The following FOXP1 variants were observed in gnomAD, a reference collection of about 807,000 sequenced individuals.
The protein encoded by FOXP1 is forkhead box protein P1.
A neutral mutation model predicts 98.2 loss-of-function variants in FOXP1; 15 were observed. The observed-to-expected ratio is 0.15, with a 90% CI of 0.10 to 0.24. FOXP1 has a LOEUF of 0.24. Ranked by LOEUF, FOXP1 falls within the 10% of genes least tolerant of loss-of-function variation. The pLI is 1.00. For missense variants in FOXP1, 633 were observed against 848.5 expected (o/e 0.75, Z 3.15); for synonymous variants, 371 against 314.5 (o/e 1.18, Z -1.90).
At chr3:71,142,592 G>A (rs1401921831) in intron 6 of FOXP1, among the ~76,000 whole-genome samples, 1 of 152,248 alleles carries the variant, frequency 6.6e-6, no homozygotes, top group Non-Finnish European at 1.5e-5. Context: ...GAGAGCAGCT[G>A]CAGGCTGACA....
rs1004386065 is a variant in FOXP1, at chr3:71,330,579, A to G, written c.-73+28571T>C. On this transcript the variant is annotated intron_variant, in intron 4 of 20. Coordinates refer to ENST00000649528, the MANE Select transcript of FOXP1 (RefSeq NM_001349338.3). ...ACCTACAGAAGGGAGAAAAACTGGTAAAGAATCTGTGGACAAATTTATAAC... is the reference window on the plus strand; with the variant it reads ...ACCTACAGAAGGGAGAAAAACTGGTGAAGAATCTGTGGACAAATTTATAAC... 5.9e-5 allele frequency among the ~76,000 whole-genome samples: 9 copies of G among 152,250 alleles called. 1 individual carries two copies. The highest frequency in any genetic ancestry group is 3.2e-3 in the Middle Eastern group (1 of 316).
intron 7 of FOXP1, among the ~76,000 whole-genome samples, chr3:71,083,243 A>T (rs906674673): frequency 6.6e-6 from 1 of 151,492 alleles, no homozygotes; most frequent in Admixed American, 6.6e-5. Flanking sequence ...GTGCCCCCTC[A>T]CCCCCAAATC....
chr3:71,002,945 C>CCACAT (rs1285032358), intron 12 of FOXP1, among the ~76,000 whole-genome samples: 2 of 152,174 alleles, frequency 1.3e-5, no homozygotes, highest in Non-Finnish European at 2.9e-5. Flanking sequence ...TGAAACAAGA[C>CCACAT]CACAGACCAG....
rs544637417 is a variant in FOXP1 at position 71,053,407 on chromosome 3, C to T, written c.420+229G>A. Among the ~76,000 whole-genome samples, 5 of 152,220 alleles carry T rather than the reference C, an allele frequency of 3.3e-5. No homozygotes were observed. In the South Asian group the frequency reaches 8.3e-4, roughly 25 times the overall value. ...AATTACAGCCCTGATCTCAGTCCAT[C>T]GGGTACTCTCCAGGCCCAAACACTA... is the stretch of plus-strand genomic sequence containing the variant. On this transcript the variant is annotated intron_variant, in intron 8 of 20. Coordinates refer to ENST00000649528, the MANE Select transcript of FOXP1 (RefSeq NM_001349338.3).
chr3:71,450,461 C>T (rs1016777397), intron 3 of FOXP1, among the ~76,000 whole-genome samples: 2 of 152,134 alleles, frequency 1.3e-5, no homozygotes, highest in Non-Finnish European at 2.9e-5. Context: ...CTCAGCTGTC[C>T]GATGCAAATT....
Position 70,956,135 on chromosome 3 carries a change from G to A in FOXP1, c.*3112C>T. The A allele has an allele frequency of 4.3e-6, 1 of 233,084 alleles. No homozygotes were observed. Among genetic ancestry groups the A allele is most frequent in the Non-Finnish European group, 8.5e-6 (1 of 117,976 alleles). 14.4% of individuals were successfully genotyped at this position (233,084 alleles called of 1,614,324 possible). On this transcript the variant is annotated 3_prime_UTR_variant, in exon 21 of 21. Coordinates refer to ENST00000649528, the MANE Select transcript of FOXP1 (RefSeq NM_001349338.3). ...AAAGCAAAGGTGTTTTGACAAACAG[G>A]TGTATGCATTTATTCCTTTTTAGGA...
chr3:71,171,242 C>T (rs1476548900), intron 6 of FOXP1, among the ~76,000 whole-genome samples: 2 of 151,964 alleles, frequency 1.3e-5, no homozygotes, highest in Non-Finnish European at 2.9e-5. Flanking sequence ...ATGCAATTAC[C>T]GCTCACTAAA....
At position 70,958,210 on chromosome 3, in the gene FOXP1, GAA is replaced by G. The variant is rs1160403740; in HGVS notation, c.*1035_*1036del. On this transcript the variant is annotated 3_prime_UTR_variant, in exon 21 of 21. Coordinates refer to ENST00000649528, the MANE Select transcript of FOXP1 (RefSeq NM_001349338.3). ...AATGGTTGCTGCAAAAAAAAAAAAAGAAAAGAAAAGAAAAAAAGAAAATCCGA... is the reference window on the plus strand; with the variant it reads ...AATGGTTGCTGCAAAAAAAAAAAAAGAAGAAAAGAAAAAAAGAAAATCCGA... 1.2e-4 allele frequency: 49 copies of G among 399,444 alleles called. No homozygotes were observed. The Admixed American group carries it at 1.7e-3, about 14-fold the overall frequency. The allele number at this position is 399,444 out of a possible 1,614,324, so 24.7% of individuals were successfully genotyped here.
intron 3 of FOXP1, among the ~76,000 whole-genome samples, chr3:71,445,317 G>A (rs1236671664): frequency 3.3e-5 from 5 of 152,182 alleles, no homozygotes; most frequent in African/African-American, 1.2e-4. Flanking sequence ...TGAAACGAGT[G>A]CCACACACAT....
rs2081473418 is a variant in FOXP1 at position 71,396,984 on chromosome 3, GTATATATATACACATATATATGTGTATA to G, written c.-167-37768_-167-37741del. 9.6e-5 allele frequency among the ~76,000 whole-genome samples: 2 copies of G among 20,848 alleles called. 1 individual carries two copies. The highest frequency in any genetic ancestry group is 2.4e-4 in the Non-Finnish European group (2 of 8,182). The allele number at this position is 20,848 out of a possible 152,430, so 13.7% of individuals were successfully genotyped here. A position where few individuals can be genotyped will look rare whatever the true frequency, so the allele number is the denominator to read the frequency against. On this transcript the variant is annotated intron_variant, in intron 3 of 20. Coordinates refer to ENST00000649528, the MANE Select transcript of FOXP1 (RefSeq NM_001349338.3). ...TATATGTGTGTATATATATATATGT[GTATATATATACACATATATATGTGTATA>G]TATATATATATACATATATATGTGT...
intron 12 of FOXP1, among the ~76,000 whole-genome samples, chr3:71,009,429 T>C (rs922977048): frequency 1.3e-5 from 2 of 152,120 alleles, no homozygotes; most frequent in African/African-American, 2.4e-5. Flanking sequence ...TGACAGACAC[T>C]GTATGGCCTG....
intron 14 of FOXP1, 94 bp from the exon 15 acceptor site, chr3:70,978,123 G>A: frequency 3.0e-6 from 3 of 996,566 alleles, no homozygotes; most frequent in Non-Finnish European, 3.2e-6. Flanking sequence ...GGATGCGTGG[G>A]CACCGTTTCT....
chr3:71,260,516 T>C (rs961625131), intron 5 of FOXP1, among the ~76,000 whole-genome samples: 2 of 151,238 alleles, frequency 1.3e-5, no homozygotes, highest in African/African-American at 4.9e-5. Context: ...TTCTGTATCA[T>C]ATTTAGAGCA....
intron 3 of FOXP1, among the ~76,000 whole-genome samples, chr3:71,471,069 T>C (rs576561074): frequency 1.3e-5 from 2 of 152,320 alleles, no homozygotes; most frequent in East Asian, 3.9e-4. Flanking sequence ...AAATACATGT[T>C]CACCATTATT....
At chr3:71,271,811 A>T (rs2070384534) in intron 5 of FOXP1, among the ~76,000 whole-genome samples, 2 of 152,202 alleles carry the variant, frequency 1.3e-5, no homozygotes, top group Non-Finnish European at 2.9e-5. Context: ...CATAACCACT[A>T]ATGTGCTTTC....
At chr3:71,495,451 C>A (rs2091338668) in intron 2 of FOXP1, among the ~76,000 whole-genome samples, 1 of 152,124 alleles carries the variant, frequency 6.6e-6, no homozygotes, top group Non-Finnish European at 1.5e-5. Flanking sequence ...GAAAAATGCC[C>A]AGCTCATAGC....
intron 3 of FOXP1, among the ~76,000 whole-genome samples, chr3:71,424,345 T>C (rs1363739912): frequency 1.3e-5 from 2 of 152,196 alleles, no homozygotes; most frequent in Non-Finnish European, 2.9e-5. Flanking sequence ...TCTGGCGATG[T>C]TGCAAGCACT....
chr3:71,298,284 GT>G (rs2073519953), intron 5 of FOXP1, among the ~76,000 whole-genome samples: 1 of 151,974 alleles, frequency 6.6e-6, no homozygotes, highest in African/African-American at 2.4e-5. Context: ...GACCAACATG[GT>G]GAAACCCCGC....
At chr3:71,085,315 A>C (rs1314406397) in intron 7 of FOXP1, among the ~76,000 whole-genome samples, 1 of 152,046 alleles carries the variant, frequency 6.6e-6, no homozygotes, top group Non-Finnish European at 1.5e-5. Context: ...GCTAATTTAA[A>C]AAAAAATTTT....
Sources: allele counts gnomAD v4.1 joint callset (sites outside exome capture counted in the v4.1 genomes callset), GRCh38; gene constraint gnomAD v4.1.1; transcripts MANE v1.5; gene names NCBI Gene and HGNC (gene_info 2026-07-23, HGNC 2026-07-21).